Variants in UPF1 observed in about 807,000 individuals in gnomAD.
UPF1 encodes the protein regulator of nonsense transcripts 1.
UPF1 carries 9 observed loss-of-function variants against 129.2 expected under a neutral mutation model. The ratio of observed to expected loss-of-function variants is 0.07; its 90% CI spans 0.04 to 0.12. The LOEUF is 0.12. Among genes scored for constraint, UPF1 ranks in the 10% least tolerant of loss-of-function variants. UPF1 has a pLI of 1.00. For synonymous variants in UPF1, 649 were observed against 644.9 expected, an observed-to-expected ratio of 1.01 and a Z score of -0.10; for missense variants, 788 against 1,525.3, an observed-to-expected ratio of 0.52 and a Z score of 8.05.
intron 3 of UPF1, 150 bp downstream of exon 3, chr19:18,847,983 G>A: frequency 1.4e-6 from 1 of 713,914 alleles, no homozygotes; most frequent in Non-Finnish European, 2.4e-6. Flanking sequence ...ACTTGAAACA[G>A]ATGGTGGTGT....
In UPF1 at chr19:18,860,340, A is replaced by G. The variant is rs201575875; in HGVS notation, c.2202A>G (p.Gly734=). 246 of 1,613,952 alleles carry G rather than the reference A, an allele frequency of 1.5e-4. 1 individual carries two copies. In the East Asian group the frequency reaches 3.3e-3, roughly 22 times the overall value. Residue 734 remains glycine (G), a synonymous_variant, in exon 16 of 24, where the codon GGA becomes GGG. Transcript: ENST00000262803. ...TCACAGCGGATCGTGTGAAGAAGGGATTTGACTTCCAGTGGCCCCAACCCG... is the reference window on the plus strand; with the variant it reads ...TCACAGCGGATCGTGTGAAGAAGGGGTTTGACTTCCAGTGGCCCCAACCCG... ...GVTAADRVKK[G]FDFQWPQPDK... is the part of the protein sequence containing the mutation.
At chr19:18,849,833 A>T in intron 3 of UPF1, 1 of 532,814 alleles carries the variant, frequency 1.9e-6, no homozygotes, top group Non-Finnish European at 3.3e-6. Context: ...AAAAGGCAGG[A>T]ACTATGTGAA....
chr19:18,837,846 G>A (rs1333791385), intron 1 of UPF1, among the ~76,000 whole-genome samples: 5 of 152,194 alleles, frequency 3.3e-5, no homozygotes, highest in Non-Finnish European at 1.5e-5. Flanking sequence ...GAGTGCATGA[G>A]TTGTTTCCCT....
chr19:18,861,251 G>A (rs1035550417), intron 17 of UPF1, among the ~76,000 whole-genome samples: 2 of 152,238 alleles, frequency 1.3e-5, no homozygotes, highest in Non-Finnish European at 2.9e-5. Flanking sequence ...GTGTTTTCTC[G>A]GGATGGTTGA....
chr19:18,839,495 G>A (rs540240478), intron 1 of UPF1, among the ~76,000 whole-genome samples: 5 of 152,148 alleles, frequency 3.3e-5, no homozygotes, highest in South Asian at 4.1e-4. Context: ...GCTCCTTTCC[G>A]CTCCCTCCCC....
intron 3 of UPF1, among the ~76,000 whole-genome samples, chr19:18,848,596 G>T (rs2055624613): frequency 6.6e-6 from 1 of 152,054 alleles, no homozygotes; most frequent in South Asian, 2.1e-4. Context: ...GAAAGAAAAT[G>T]ACCAAAGCCC....
intron 3 of UPF1, 119 bp from the exon 4 acceptor site, chr19:18,849,956 G>A (rs535158510): frequency 7.0e-5 from 92 of 1,305,634 alleles, no homozygotes; most frequent in Non-Finnish European, 9.1e-5. Flanking sequence ...TGGATGAGGT[G>A]TGACTGCCTC....
At chr19:18,866,188 C>T in intron 23 of UPF1, 22 bp downstream of exon 23, 1 of 1,557,642 alleles carries the variant, frequency 6.4e-7, no homozygotes, top group East Asian at 2.3e-5. Context: ...TGGAGCAGGC[C>T]TGGCCCCACC....
chr19:18,839,169 A>G (rs948691533), intron 1 of UPF1, among the ~76,000 whole-genome samples: 2 of 152,052 alleles, frequency 1.3e-5, no homozygotes, highest in African/African-American at 4.8e-5. Context: ...TTGGCTCACT[A>G]CAACCTCTGC....
In UPF1 at chr19:18,854,617, C is replaced by G; in HGVS notation, c.1173C>G (p.Ile391Met). Residue 391 changes from isoleucine (I) to methionine (M), a missense_variant, in exon 9 of 24, where the codon ATC becomes ATG. Around this residue, in one of 6 missense-constraint regions of UPF1, gnomAD observed 227 missense variants for 517.9 expected, o/e 0.44. Transcript: ENST00000262803. Reference protein sequence around the residue: ...IKVPDNYGDEIAIELRSSVGA... With the variant: ...IKVPDNYGDEMAIELRSSVGA... ...AGCACACAGATTATGGCGATGAGAT[C>G]GCCATTGAGCTGCGGAGCAGCGTGG... The G allele has an allele frequency of 6.2e-7, 1 of 1,612,640 alleles. No individual in the cohort carries two copies. Among genetic ancestry groups the G allele is most frequent in the African/African-American group, 1.3e-5 (1 of 75,012 alleles).
At position 18,850,595 on chromosome 19, in the gene UPF1, C is replaced by A. The variant is rs945796438; in HGVS notation, c.630-93C>A. 3.8e-4 allele frequency: 530 copies of A among 1,399,496 alleles called. 1 individual carries two copies. The highest frequency in any genetic ancestry group is 4.7e-4 in the Non-Finnish European group (497 of 1,061,860). The allele number at this position is 1,399,496 out of a possible 1,614,324, so 86.7% of individuals were successfully genotyped here. A position where few individuals can be genotyped will look rare whatever the true frequency, so the allele number is the denominator to read the frequency against. On this transcript the variant is annotated intron_variant, in intron 4 of 23. Transcript: ENST00000262803. The surrounding 1 kb of genome is among the most constrained non-coding windows in gnomAD (Gnocchi z 7.1). ...ACATAATAAAATGCAGGGCATGCCC[C>A]TTTGGGTGAAAGGTCAGCATGGGAG...
chr19:18,854,788 G>T, intron 9 of UPF1, 79 bp downstream of exon 9: 1 of 1,606,228 alleles, frequency 6.2e-7, no homozygotes, highest in Non-Finnish European at 8.5e-7. Flanking sequence ...CGTCACTGTG[G>T]AGTGGGGTTC....
chr19:18,855,246 G>T lies in UPF1; in HGVS notation c.1544+4G>T, dbSNP rs561316158. ...ACCTGGCCCGGCAAGGCAACGGGTAGGGCTGACACGGCCCTTGCGGGCAAG... is the reference window on the plus strand; with the variant it reads ...ACCTGGCCCGGCAAGGCAACGGGTATGGCTGACACGGCCCTTGCGGGCAAG... On this transcript the variant is annotated splice_donor_region_variant and intron_variant, in intron 11 of 23. Transcript: ENST00000262803. The T allele has an allele frequency of 7.5e-6, 12 of 1,609,202 alleles. No individual in the cohort carries two copies. In the African/African-American group the frequency reaches 1.1e-4, roughly 14 times the overall value.
chr19:18,860,054 C>T (rs556588036), intron 15 of UPF1: 10 of 429,852 alleles, frequency 2.3e-5, no homozygotes, highest in Admixed American at 2.0e-4. Context: ...CAAGAAAGCC[C>T]TGGCTGAGAC....
chr19:18,855,177 G>A lies in UPF1; in HGVS notation c.1479G>A (p.Pro493=), dbSNP rs145208005. 3.2e-5 allele frequency: 52 copies of A among 1,613,700 alleles called. No individual in the cohort carries two copies. Among genetic ancestry groups the A allele is most frequent in the African/African-American group, 8.0e-5 (6 of 75,076 alleles). ...GACCACTGAGCCTGATCCAGGGCCC[G>A]CCAGGCACGGGGAAGACGGTGACGT... The part of the protein sequence containing the change: ...LQRPLSLIQG[P]PGTGKTVTSA... The change falls in exon 11 of 24, where the codon CCG becomes CCA. Residue 493 remains proline (P), a synonymous_variant. Coordinates refer to ENST00000262803, the MANE Select transcript of UPF1 (RefSeq NM_002911.4).
At position 18,854,654 on chromosome 19, in the gene UPF1, GA is replaced by G; in HGVS notation, c.1211del (p.Glu404GlyfsTer2). 6.2e-7 allele frequency: 1 copy of G among 1,614,170 alleles called. No homozygotes were observed. The highest frequency in any genetic ancestry group is 8.5e-7 in the Non-Finnish European group (1 of 1,180,028). On this transcript the variant is annotated frameshift_variant, in exon 9 of 24. Coordinates refer to ENST00000262803, the MANE Select transcript of UPF1 (RefSeq NM_002911.4). LOFTEE classifies it high-confidence loss of function. ...ELRSSVGAPV[E>X]VTHNFQVDFV... ...GCGGAGCAGCGTGGGTGCACCTGTG[GA>G]GGTGACTCACAACTTCCAGGTGGAT... is the stretch of plus-strand genomic sequence containing the variant.
chr19:18,846,942 C>T (rs1405736104), intron 2 of UPF1, among the ~76,000 whole-genome samples: 2 of 152,146 alleles, frequency 1.3e-5, no homozygotes, highest in Admixed American at 6.6e-5. Flanking sequence ...TGTAGTGAGC[C>T]GAGATCGCAC....
Position 18,867,619 on chromosome 19 carries a change from C to G in UPF1, c.*1102C>G, listed in dbSNP as rs959703754. 1 of 152,690 alleles carries G rather than the reference C, an allele frequency of 6.5e-6. No homozygotes were observed. The highest frequency in any genetic ancestry group is 2.4e-5 in the African/African-American group (1 of 41,476). 9.5% of individuals were successfully genotyped at this position (152,690 alleles called of 1,614,324 possible). A position where few individuals can be genotyped will look rare whatever the true frequency, so the allele number is the denominator to read the frequency against. On this transcript the variant is annotated 3_prime_UTR_variant, in exon 24 of 24. Transcript: ENST00000262803. ...GCACACCGAAAGCCCAAATTGGGAG[C>G]TCTGCCTGCCGGCAACTTTGCTGAT...
chr19:18,849,507 CA>C (rs1481216776), intron 3 of UPF1: 3 of 159,526 alleles, frequency 1.9e-5, no homozygotes, highest in South Asian at 1.7e-4. Context: ...GGGCTTCACA[CA>C]CAGCCCTGGG....
Sources: allele counts gnomAD v4.1 joint callset (sites outside exome capture counted in the v4.1 genomes callset), GRCh38; gene constraint gnomAD v4.1.1; regional missense constraint gnomAD v4.1.1; non-coding constraint Gnocchi (gnomAD v3.1); transcripts MANE v1.5; gene names NCBI Gene and HGNC (gene_info 2026-07-23, HGNC 2026-07-21).